Variants in FMN2 observed in about 807,000 individuals in gnomAD.
FMN2 encodes the protein formin 2.
A neutral mutation model predicts 142.3 loss-of-function variants in FMN2; 51 were observed. The observed-to-expected ratio is 0.36, with a 90% CI of 0.29 to 0.45. The LOEUF (loss-of-function observed/expected upper bound fraction) is 0.45, where lower values mean the gene tolerates loss of function less well. FMN2 is among the 20% of genes least tolerant of loss of function. FMN2 has a pLI of 1.00. For synonymous variants in FMN2, 882 were observed against 869.8 expected, an observed-to-expected ratio of 1.01 and a Z score of -0.25; for missense variants, 1,936 against 2,122.8, an observed-to-expected ratio of 0.91 and a Z score of 1.73.
intron 2 of FMN2, among the ~76,000 whole-genome samples, chr1:240,124,091 G>A (rs1662404122): frequency 6.6e-6 from 1 of 152,176 alleles, no homozygotes; most frequent in Admixed American, 6.5e-5. Context: ...CATGTGGGTT[G>A]TTTCCACCTT....
chr1:240,352,856 C>G (rs1672140021), intron 13 of FMN2, among the ~76,000 whole-genome samples: 2 of 152,166 alleles, frequency 1.3e-5, no homozygotes, highest in South Asian at 4.1e-4. Flanking sequence ...GTAAATGATA[C>G]AGCCCACAGG....
chr1:240,182,871 A>C (rs988554979), intron 3 of FMN2, among the ~76,000 whole-genome samples: 78 of 152,170 alleles, frequency 5.1e-4, no homozygotes, highest in African/African-American at 1.8e-3. Flanking sequence ...TCCTAAGAGA[A>C]GAAATTCTGT....
intron 7 of FMN2, among the ~76,000 whole-genome samples, chr1:240,268,333 G>C (rs766549164): frequency 2.0e-5 from 3 of 151,840 alleles, no homozygotes; most frequent in Non-Finnish European, 2.9e-5. Context: ...TCTGATTTTT[G>C]AGTACAGATA....
intron 11 of FMN2, among the ~76,000 whole-genome samples, chr1:240,332,264 A>T (rs1009876709): frequency 1.6e-4 from 11 of 70,164 alleles, no homozygotes; most frequent in Non-Finnish European, 3.0e-4. Context: ...TACATTTGTT[A>T]AAAAAAAAAT....
chr1:240,339,137 T>G (rs1259653440), intron 13 of FMN2, among the ~76,000 whole-genome samples: 1 of 152,180 alleles, frequency 6.6e-6, no homozygotes, highest in Admixed American at 6.5e-5. Context: ...CACCTCCTGC[T>G]GGGTGTCCCG....
intron 13 of FMN2, among the ~76,000 whole-genome samples, chr1:240,339,342 T>A (rs551859075): frequency 1.9e-4 from 28 of 149,916 alleles, no homozygotes; most frequent in East Asian, 3.9e-4. Context: ...TTTTATTATT[T>A]TTTTTTAATC....
intron 7 of FMN2, among the ~76,000 whole-genome samples, chr1:240,258,710 C>T (rs945015862): frequency 4.6e-5 from 7 of 152,138 alleles, no homozygotes; most frequent in Non-Finnish European, 7.3e-5. Flanking sequence ...GTACAATTGA[C>T]GGCCATTCTT....
At chr1:240,259,293 A>G (rs910765575) in intron 7 of FMN2, among the ~76,000 whole-genome samples, 4 of 152,186 alleles carry the variant, frequency 2.6e-5, no homozygotes, top group African/African-American at 9.7e-5. Context: ...AACCTTATGA[A>G]CAAGAGTCCG....
At chr1:240,110,808 A>C (rs1460427039) in intron 1 of FMN2, among the ~76,000 whole-genome samples, 1 of 152,140 alleles carries the variant, frequency 6.6e-6, no homozygotes, top group Non-Finnish European at 1.5e-5. Flanking sequence ...CAAATATGCA[A>C]GCCCTTTTTT....
chr1:240,184,297 C>T (rs1323967542), intron 3 of FMN2, among the ~76,000 whole-genome samples: 6 of 120,376 alleles, frequency 5.0e-5, no homozygotes, highest in African/African-American at 1.3e-4. Context: ...AGTGCAGTGG[C>T]GCGATCTCGG....
intron 2 of FMN2, among the ~76,000 whole-genome samples, chr1:240,135,044 C>T (rs1234705594): frequency 1.3e-5 from 2 of 152,120 alleles, no homozygotes; most frequent in African/African-American, 4.8e-5. Context: ...TATTGACATG[C>T]GTTGTGCTTA....
At chr1:240,263,563 G>A (rs965994139) in intron 7 of FMN2, among the ~76,000 whole-genome samples, 11 of 152,294 alleles carry the variant, frequency 7.2e-5, no homozygotes, top group East Asian at 5.8e-4. Flanking sequence ...ATTAGTATGC[G>A]TATTAAAGCC....
intron 8 of FMN2, among the ~76,000 whole-genome samples, chr1:240,298,057 T>C (rs1450356327): frequency 2.0e-5 from 3 of 152,132 alleles, no homozygotes; most frequent in Non-Finnish European, 4.4e-5. Context: ...GGGGATAAGG[T>C]TTCAACCTAT....
At chr1:240,188,136 T>A in intron 3 of FMN2, 71 bp from the exon 4 acceptor site, 2 of 1,471,996 alleles carry the variant, frequency 1.4e-6, no homozygotes, top group Non-Finnish European at 9.4e-7. Flanking sequence ...AGTGAAAGTT[T>A]TATTTTCTGA....
intron 2 of FMN2, chr1:240,144,968 T>C (rs1663376603): frequency 7.9e-7 from 1 of 1,259,140 alleles, no homozygotes; most frequent in Admixed American, 1.7e-5. Context: ...GCACTCGCAC[T>C]CCCCACTCAT....
intron 7 of FMN2, among the ~76,000 whole-genome samples, chr1:240,274,947 A>C (rs1669142430): frequency 6.6e-6 from 1 of 152,090 alleles, no homozygotes; most frequent in Admixed American, 6.6e-5. Flanking sequence ...TGTTTGCTTG[A>C]GAGAGAATGG....
chr1:240,115,234 A>G (rs1407650673), intron 1 of FMN2, among the ~76,000 whole-genome samples: 1 of 152,140 alleles, frequency 6.6e-6, no homozygotes, highest in Non-Finnish European at 1.5e-5. Flanking sequence ...GTTAGCAGTC[A>G]TGTGTATAAA....
intron 11 of FMN2, 30 bp from the exon 12 acceptor site, chr1:240,333,857 A>T: frequency 6.5e-7 from 1 of 1,549,994 alleles, no homozygotes; most frequent in South Asian, 1.2e-5. Context: ...TAAAAAATAT[A>T]TTGTCACTGA....
At chr1:240,258,983 A>T (rs2102899331) in intron 7 of FMN2, among the ~76,000 whole-genome samples, 1 of 152,370 alleles carries the variant, frequency 6.6e-6, no homozygotes, top group South Asian at 2.1e-4. Context: ...GTTGGGCTTA[A>T]AATCTTGTGT....
Sources: gnomAD v4.1 joint callset for allele counts (sites outside exome capture counted in the v4.1 genomes callset) on GRCh38, gnomAD v4.1.1 for gene constraint, MANE v1.5 for transcripts, NCBI Gene and HGNC (gene_info 2026-07-23, HGNC 2026-07-21) for gene names.